The following RRP7A variants were observed in gnomAD, a reference collection of about 807,000 sequenced individuals.
The protein encoded by RRP7A is ribosomal RNA-processing protein 7 homolog A.
A neutral mutation model predicts 38.4 loss-of-function variants in RRP7A; 27 were observed. That is an observed-to-expected ratio of 0.70 (90% CI 0.52 to 0.97). RRP7A has a LOEUF of 0.97. RRP7A is among the 50% of genes least tolerant of loss of function. The pLI is 0.00. For synonymous variants in RRP7A, 124 were observed against 150.3 expected (o/e 0.83, Z 1.28); for missense variants, 327 against 375.4 (o/e 0.87, Z 1.07).
At position 42,511,179 on chromosome 22, in the gene RRP7A, C is replaced by CTT. The variant is rs112453516; in HGVS notation, c.*1729_*1730dup. 8.3e-5 allele frequency: 12 copies of CTT among 144,870 alleles called. No homozygotes were observed. Among genetic ancestry groups the CTT allele is most frequent in the East Asian group, 6.0e-4 (3 of 5,004 alleles). 9.0% of individuals were successfully genotyped at this position (144,870 alleles called of 1,614,324 possible). On this transcript the variant is annotated 3_prime_UTR_variant, in exon 7 of 7. Coordinates refer to ENST00000323013, the MANE Select transcript of RRP7A (RefSeq NM_015703.5). ...CCATCATGCCCAGCTAATAGTCACA[C>CTT]TTTTTTTTTTTTTTTGAGATGGAGT...
chr22:42,515,670 GAAC>G (rs1350209029), intron 3 of RRP7A, among the ~76,000 whole-genome samples: 3 of 152,152 alleles, frequency 2.0e-5, no homozygotes, highest in Admixed American at 6.5e-5. Context: ...GGAAAGCTGT[GAAC>G]AACAGTGCTC....
chr22:42,513,271 C>A (rs1210198827), intron 6 of RRP7A, among the ~76,000 whole-genome samples: 2 of 136,576 alleles, frequency 1.5e-5, no homozygotes, highest in Non-Finnish European at 3.2e-5. Flanking sequence ...AGGTACCCGC[C>A]CCCACCCCCA....
intron 2 of RRP7A, among the ~76,000 whole-genome samples, chr22:42,517,568 G>A (rs1321112009): frequency 6.6e-6 from 1 of 152,086 alleles, no homozygotes; most frequent in Non-Finnish European, 1.5e-5. Flanking sequence ...TGCCCAGGCT[G>A]GAGTGCAGTG....
In RRP7A at chr22:42,516,077, C is replaced by G; in HGVS notation, c.276G>C (p.Glu92Asp). 6.2e-7 allele frequency: 1 copy of G among 1,613,610 alleles called. No individual in the cohort carries two copies. The highest frequency in any genetic ancestry group is 8.5e-7 in the Non-Finnish European group (1 of 1,179,728). ...CGLVQSVELQ[E>D]KPDLAESPKE... ...TTGGGCTCTCAGCCAGGTCCGGCTT[C>G]TCCTGCAACTCTACAGACTGGACGA... is the stretch of plus-strand genomic sequence containing the variant. Residue 92 changes from glutamate to aspartate, a missense_variant, in exon 3 of 7, where the codon GAG becomes GAC. Physicochemically the swap from Glu to Asp is conservative, Grantham distance 45 (BLOSUM62 2). Coordinates refer to ENST00000323013, the MANE Select transcript of RRP7A (RefSeq NM_015703.5).
At chr22:42,517,615 G>A (rs1004538698) in intron 2 of RRP7A, among the ~76,000 whole-genome samples, 3 of 152,088 alleles carry the variant, frequency 2.0e-5, no homozygotes, top group Non-Finnish European at 4.4e-5. Context: ...CACCTCCCGG[G>A]TTCAAGGGAT....
chr22:42,513,681 C>G (rs1378330018), intron 6 of RRP7A, among the ~76,000 whole-genome samples: 1 of 109,308 alleles, frequency 9.1e-6, no homozygotes, highest in Non-Finnish European at 1.8e-5. Context: ...GGGTCCTGTG[C>G]GGGGCCACCT....
chr22:42,519,731 C>G lies in RRP7A; in HGVS notation c.56G>C (p.Ser19Thr). 2.1e-6 allele frequency: 3 copies of G among 1,462,858 alleles called. No homozygotes were observed. Among genetic ancestry groups the G allele is most frequent in the Non-Finnish European group, 1.8e-6 (2 of 1,109,884 alleles). The allele number at this position is 1,462,858 out of a possible 1,614,324, so 90.6% of individuals were successfully genotyped here. ...AARDPEDRIPSPLGYAAIPIK... is the reference protein window; with the variant it reads ...AARDPEDRIPTPLGYAAIPIK... ...CCCCTCACCTGCGTAGCCCAGTGGG[C>G]TGGGGATACGGTCCTCCGGGTCCCG... Residue 19 changes from serine (S) to threonine (T), a missense_variant, in exon 1 of 7, where the codon AGC (serine) becomes ACC (threonine). Coordinates refer to ENST00000323013, the MANE Select transcript of RRP7A (RefSeq NM_015703.5).
chr22:42,509,278 A>C lies in RRP7A; in HGVS notation c.*3632T>G, dbSNP rs1932368544. On this transcript the variant is annotated 3_prime_UTR_variant, in exon 7 of 7. Transcript: ENST00000323013. ...CCCCTGGCAGCAGGGTCATGGAAGG[A>C]GGAAGGTCAGAGGAGGGGAGGGCTC... is the stretch of plus-strand genomic sequence containing the variant. Among the ~76,000 whole-genome samples the C allele has an allele frequency of 6.6e-6, 1 of 151,522 alleles. No homozygotes were observed. Among genetic ancestry groups the C allele is most frequent in the Non-Finnish European group, 1.5e-5 (1 of 67,786 alleles).
Position 42,511,680 on chromosome 22 carries a change from G to C in RRP7A, c.*1230C>G, listed in dbSNP as rs535814418. On this transcript the variant is annotated 3_prime_UTR_variant, in exon 7 of 7. Coordinates refer to ENST00000323013, the MANE Select transcript of RRP7A (RefSeq NM_015703.5). ...TTTTCTTGGCGTTGTCACCACAAAA[G>C]GAAGAAGCCCACCTGTGGCTGGCTG... The C allele has an allele frequency of 1.2e-5, 2 of 169,080 alleles. No individual in the cohort carries two copies. The highest frequency in any genetic ancestry group is 2.5e-5 in the Non-Finnish European group (2 of 78,658). 10.5% of individuals were successfully genotyped at this position (169,080 alleles called of 1,614,324 possible).
intron 2 of RRP7A, among the ~76,000 whole-genome samples, chr22:42,516,573 A>C (rs1253305438): frequency 6.6e-6 from 1 of 152,226 alleles, no homozygotes; most frequent in African/African-American, 2.4e-5. Flanking sequence ...TCGGCCTCCC[A>C]AAATGCTGGG....
chr22:42,514,487 C>T (rs191701695), intron 5 of RRP7A, among the ~76,000 whole-genome samples, 183 bp from the exon 6 acceptor site: 2 of 152,120 alleles, frequency 1.3e-5, no homozygotes, highest in Admixed American at 6.5e-5. Flanking sequence ...CCGGCACTGC[C>T]TCCTTCTCCA....
In RRP7A at chr22:42,519,777, G is replaced by GC. The variant is rs1307883690; in HGVS notation, c.9dup (p.Arg4AlafsTer29). 4 of 1,444,844 alleles carry GC rather than the reference G, an allele frequency of 2.8e-6. No individual in the cohort carries two copies. Among genetic ancestry groups the GC allele is most frequent in the East Asian group, 6.0e-5 (2 of 33,202 alleles). The allele number at this position is 1,444,844 out of a possible 1,614,324, so 89.5% of individuals were successfully genotyped here. A position where few individuals can be genotyped will look rare whatever the true frequency, so the allele number is the denominator to read the frequency against. ...TCCCGCGCGGCGCACTTCCTCCTGC[G>GC]CGCCACCATCTTGCCACCCGGGAGC... On this transcript the variant is annotated frameshift_variant, in exon 1 of 7. Coordinates refer to ENST00000323013, the MANE Select transcript of RRP7A (RefSeq NM_015703.5). LOFTEE classifies it high-confidence loss of function.
Position 42,509,017 on chromosome 22 carries a change from T to C in RRP7A, c.*3893A>G, listed in dbSNP as rs201485636. Reference sequence around the variant, plus strand: ...TTGTGACGAGAATTCACCATGTTTTTGTCTCTGCAGGCAGAGAACAGCATT... The same window carrying C: ...TTGTGACGAGAATTCACCATGTTTTCGTCTCTGCAGGCAGAGAACAGCATT... On this transcript the variant is annotated 3_prime_UTR_variant, in exon 7 of 7. Transcript: ENST00000323013. 56 of 1,611,682 alleles carry C rather than the reference T, an allele frequency of 3.5e-5. No homozygotes were observed. In the African/African-American group the frequency reaches 5.6e-4, roughly 16 times the overall value.
In RRP7A at chr22:42,511,378, T is replaced by A. The variant is rs1932456877; in HGVS notation, c.*1532A>T. 6.6e-6 allele frequency: 1 copy of A among 152,342 alleles called. No individual in the cohort carries two copies. The highest frequency in any genetic ancestry group is 2.4e-5 in the African/African-American group (1 of 41,438). 9.4% of individuals were successfully genotyped at this position (152,342 alleles called of 1,614,324 possible). A position where few individuals can be genotyped will look rare whatever the true frequency, so the allele number is the denominator to read the frequency against. On this transcript the variant is annotated 3_prime_UTR_variant, in exon 7 of 7. Transcript: ENST00000323013. Reference sequence around the variant, plus strand: ...TTTTAAGAGATGGGGGTTCACCATGTTGGCCAGGCTGGTCTCAAACTCCTG... The same window carrying A: ...TTTTAAGAGATGGGGGTTCACCATGATGGCCAGGCTGGTCTCAAACTCCTG...
intron 3 of RRP7A, 135 bp from the exon 4 acceptor site, chr22:42,515,403 C>G (rs1858359900): frequency 1.5e-6 from 1 of 651,796 alleles, no homozygotes; most frequent in Non-Finnish European, 2.7e-6. Flanking sequence ...ATGAAGAGAA[C>G]CACAGGCCAT....
At chr22:42,513,503 C>T (rs1393952081) in intron 6 of RRP7A, among the ~76,000 whole-genome samples, 1 of 111,270 alleles carries the variant, frequency 9.0e-6, no homozygotes, top group Admixed American at 9.9e-5. Context: ...GCGGGCGGCT[C>T]AGGGCCTGCC....
chr22:42,512,476 C>T lies in RRP7A; in HGVS notation c.*434G>A, dbSNP rs1310657284. The T allele has an allele frequency of 3.5e-6, 2 of 572,672 alleles. No homozygotes were observed. The highest frequency in any genetic ancestry group is 3.7e-5 in the African/African-American group (2 of 53,380). 35.5% of individuals were successfully genotyped at this position (572,672 alleles called of 1,614,324 possible). On this transcript the variant is annotated 3_prime_UTR_variant, in exon 7 of 7. Transcript: ENST00000323013. ...CTCCTGGCTAATAATCTCCAGCCAG[C>T]TGGAGGAAGGAAGGGCGGGCTGGGC...
chr22:42,510,518 G>A lies in RRP7A; in HGVS notation c.*2392C>T. ...AAGGGACCCAGCTGTGGGAGTTGGG[G>A]TAGCCCAGGCTTTGGTTTCTCCTCA... is the stretch of plus-strand genomic sequence containing the variant. On this transcript the variant is annotated 3_prime_UTR_variant, in exon 7 of 7. Coordinates refer to ENST00000323013, the MANE Select transcript of RRP7A (RefSeq NM_015703.5). 2.4e-6 allele frequency: 1 copy of A among 414,358 alleles called. No individual in the cohort carries two copies. The highest frequency in any genetic ancestry group is 4.5e-6 in the Non-Finnish European group (1 of 222,696). 25.7% of individuals were successfully genotyped at this position (414,358 alleles called of 1,614,324 possible).
At position 42,509,965 on chromosome 22, in the gene RRP7A, T is replaced by A. The variant is rs985823919; in HGVS notation, c.*2945A>T. 14 of 20,132 alleles carry A rather than the reference T, an allele frequency of 7.0e-4. No homozygotes were observed. The highest frequency in any genetic ancestry group is 2.3e-3 in the African/African-American group (12 of 5,240). 1.2% of individuals were successfully genotyped at this position (20,132 alleles called of 1,614,324 possible). On this transcript the variant is annotated 3_prime_UTR_variant, in exon 7 of 7. Transcript: ENST00000323013. Reference sequence around the variant, plus strand: ...TATTAAAAACCACGGGATTGTAGACTTTTTTTTTTTTTTTTTTGAGATGGA... The same window carrying A: ...TATTAAAAACCACGGGATTGTAGACATTTTTTTTTTTTTTTTTGAGATGGA...
Sources: gnomAD v4.1 joint callset for allele counts (sites outside exome capture counted in the v4.1 genomes callset) on GRCh38, gnomAD v4.1.1 for gene constraint, MANE v1.5 for transcripts, NCBI Gene and HGNC (gene_info 2026-07-23, HGNC 2026-07-21) for gene names.